LIPI: variants seen among roughly 807,000 people sequenced by gnomAD.
LIPI encodes lipase member I.
In LIPI, 59 loss-of-function variants were observed where a neutral mutation model predicts 50.6. The observed-to-expected ratio is 1.16, with a 90% CI of 0.94 to 1.45. The LOEUF (loss-of-function observed/expected upper bound fraction) is 1.45, where lower values mean the gene tolerates loss of function less well. Among genes scored for constraint, LIPI ranks in the 40% most tolerant of loss-of-function variants. The pLI is 0.00. For missense variants in LIPI, 586 were observed against 536.3 expected, an observed-to-expected ratio of 1.09 and a Z score of -0.92; for synonymous variants, 203 against 178.2, an observed-to-expected ratio of 1.14 and a Z score of -1.11.
At chr21:14,124,796 A>G (rs561466623) in intron 9 of LIPI, among the ~76,000 whole-genome samples, 1 of 152,242 alleles carries the variant, frequency 6.6e-6, no homozygotes, top group East Asian at 1.9e-4. Flanking sequence ...CTTATCTCTG[A>G]TTGTCCTGCA....
At chr21:14,153,258 G>A (rs1334709374) in intron 7 of LIPI, among the ~76,000 whole-genome samples, 7 of 152,112 alleles carry the variant, frequency 4.6e-5, no homozygotes, top group African/African-American at 1.4e-4. Context: ...TGCCAGGCCT[G>A]TACAGGAAAT....
At chr21:14,208,248 G>A in intron 1 of LIPI, among the ~76,000 whole-genome samples, 1 of 152,124 alleles carries the variant, frequency 6.6e-6, no homozygotes, top group Non-Finnish European at 1.5e-5. Flanking sequence ...ACTCCAAGGT[G>A]GTCTGCGTAC....
chr21:14,123,915 G>A (rs1008876629), intron 9 of LIPI, among the ~76,000 whole-genome samples: 4 of 152,086 alleles, frequency 2.6e-5, no homozygotes, highest in Admixed American at 2.0e-4. Context: ...TTAACCAACT[G>A]TTCCTCACAA....
At chr21:14,169,614 C>A (rs1342643604) in intron 4 of LIPI, among the ~76,000 whole-genome samples, 1 of 152,206 alleles carries the variant, frequency 6.6e-6, no homozygotes, top group African/African-American at 2.4e-5. Flanking sequence ...TGAATGACTA[C>A]TGGGTACATA....
intron 9 of LIPI, among the ~76,000 whole-genome samples, chr21:14,128,730 A>G (rs1331928608): frequency 1.3e-5 from 2 of 152,112 alleles, no homozygotes; most frequent in Non-Finnish European, 2.9e-5. Context: ...CCTTGCTTAC[A>G]TATTAGTTCT....
chr21:14,116,732 G>A (rs538342132), intron 9 of LIPI, among the ~76,000 whole-genome samples: 61 of 152,230 alleles, frequency 4.0e-4, no homozygotes, highest in African/African-American at 1.1e-3. Flanking sequence ...ACTCCTGGCT[G>A]AACGTGATTC....
intron 9 of LIPI, among the ~76,000 whole-genome samples, chr21:14,136,646 C>T (rs2017509809): frequency 6.6e-6 from 1 of 152,058 alleles, no homozygotes; most frequent in Admixed American, 6.5e-5. Context: ...GGGACCTCAC[C>T]ACCCTAAAAG....
In LIPI at chr21:14,145,127, T is replaced by TTTAACAACTATC. The variant is rs2017855801; in HGVS notation, c.1119-329_1119-328insGATAGTTGTTAA. On this transcript the variant is annotated intron_variant, in intron 8 of 9. Transcript: ENST00000681601. ...GAGAAGTCATCCTATATGTGTTTTT[T>TTTAACAACTATC]ACAGTTCCTTAAATAGACTAGGTGC... Among the ~76,000 whole-genome samples, 33 of 152,070 alleles carry TTTAACAACTATC rather than the reference T, an allele frequency of 2.2e-4. No homozygotes were observed. The South Asian group carries it at 6.9e-3, about 32-fold the overall frequency.
chr21:14,210,803 A>G lies in LIPI; in HGVS notation c.43T>C (p.Ser15Pro), dbSNP rs757126196. The change falls in exon 1 of 10, where the codon TCT becomes CCT. Residue 15 changes from serine to proline, a missense_variant. Coordinates refer to ENST00000681601, the MANE Select transcript of LIPI (RefSeq NM_001302998.2). ...AAATTATTAATTAATATCTTACCAG[A>G]TCTCACCCAGCACATCAAACAAAGA... ...IFLCLMCWVR[S>P]DNKRPCLEFS... is the part of the protein sequence containing the mutation. 5 of 1,198,254 alleles carry G rather than the reference A, an allele frequency of 4.2e-6. No individual in the cohort carries two copies. The South Asian group carries it at 5.5e-5, about 13-fold the overall frequency. 74.2% of individuals were successfully genotyped at this position (1,198,254 alleles called of 1,614,324 possible).
chr21:14,163,581 C>A, intron 6 of LIPI, 58 bp from the exon 7 acceptor site: 2 of 843,136 alleles, frequency 2.4e-6, no homozygotes, highest in South Asian at 2.7e-5. Context: ...ACAAAAATGT[C>A]AAATCACTAA....
chr21:14,157,909 A>G (rs1342902940), intron 7 of LIPI, among the ~76,000 whole-genome samples: 1 of 151,792 alleles, frequency 6.6e-6, no homozygotes, highest in Non-Finnish European at 1.5e-5. Context: ...TCATCACTGT[A>G]TTTGAGGGGG....
chr21:14,152,177 T>A (rs1307265809), intron 8 of LIPI, among the ~76,000 whole-genome samples: 2 of 152,000 alleles, frequency 1.3e-5, no homozygotes, highest in Non-Finnish European at 2.9e-5. Context: ...CTCAGCTCAC[T>A]GCAACCTCCA....
At chr21:14,198,482 C>A (rs2019938730) in intron 1 of LIPI, among the ~76,000 whole-genome samples, 1 of 151,824 alleles carries the variant, frequency 6.6e-6, no homozygotes. Flanking sequence ...TAGTTTCTGA[C>A]AAAACAGATT....
intron 1 of LIPI, among the ~76,000 whole-genome samples, chr21:14,196,172 A>T (rs115040462): frequency 2.9e-5 from 4 of 138,312 alleles, no homozygotes; most frequent in South Asian, 2.2e-4. Flanking sequence ...AAAAAACAAA[A>T]CAAGAAGTAT....
At chr21:14,191,719 T>C (rs1032713325) in intron 1 of LIPI, among the ~76,000 whole-genome samples, 6 of 152,194 alleles carry the variant, frequency 3.9e-5, no homozygotes, top group Non-Finnish European at 5.9e-5. Context: ...GGGTGACTTG[T>C]TCCACTCCTT....
intron 4 of LIPI, among the ~76,000 whole-genome samples, chr21:14,169,223 G>A (rs1288573115): frequency 6.6e-6 from 1 of 152,126 alleles, no homozygotes; most frequent in African/African-American, 2.4e-5. Flanking sequence ...CAAGTCCTGA[G>A]TGACCTACAA....
intron 7 of LIPI, among the ~76,000 whole-genome samples, chr21:14,162,697 A>C (rs976131354): frequency 3.9e-5 from 6 of 151,944 alleles, no homozygotes; most frequent in Non-Finnish European, 8.8e-5. Context: ...TGTTTGAAGA[A>C]TAATATATTG....
chr21:14,191,899 C>T (rs895732152), intron 1 of LIPI, among the ~76,000 whole-genome samples: 2 of 152,178 alleles, frequency 1.3e-5, no homozygotes, highest in African/African-American at 4.8e-5. Flanking sequence ...ACAGTTGTAA[C>T]AGTGCAAAGT....
intron 8 of LIPI, among the ~76,000 whole-genome samples, chr21:14,145,703 T>G (rs1219253139): frequency 6.6e-6 from 1 of 151,578 alleles, no homozygotes; most frequent in Non-Finnish European, 1.5e-5. Context: ...AGGACAGAAG[T>G]GAAGGGAAAA....
Sources: allele counts gnomAD v4.1 joint callset (sites outside exome capture counted in the v4.1 genomes callset), GRCh38; gene constraint gnomAD v4.1.1; transcripts MANE v1.5; gene names NCBI Gene and HGNC (gene_info 2026-07-23, HGNC 2026-07-21).